The following LHCGR variants were observed in gnomAD, a reference collection of about 807,000 sequenced individuals.
LHCGR encodes lutropin-choriogonadotropic hormone receptor.
A neutral mutation model predicts 60.7 loss-of-function variants in LHCGR; 55 were observed. That is an observed-to-expected ratio of 0.91 (90% CI 0.73 to 1.13). LHCGR has a LOEUF of 1.13. Among genes scored for constraint, LHCGR ranks in the 50% most tolerant of loss-of-function variants. The pLI is 0.00. For synonymous variants in LHCGR, 337 were observed against 316.5 expected, an observed-to-expected ratio of 1.06 and a Z score of -0.69; for missense variants, 862 against 836.0, an observed-to-expected ratio of 1.03 and a Z score of -0.38.
At chr2:48,729,041 T>C (rs1251538680) in intron 3 of LHCGR, 112 bp downstream of exon 3, 6 of 881,444 alleles carry the variant, frequency 6.8e-6, no homozygotes, top group South Asian at 5.3e-5. Flanking sequence ...ATTGCTGTAG[T>C]CTTTTCCTTT....
chr2:48,694,103 A>G, intron 10 of LHCGR, 121 bp downstream of exon 10: 1 of 709,300 alleles, frequency 1.4e-6, no homozygotes, highest in Non-Finnish European at 2.5e-6. Context: ...AAACTATTAA[A>G]AGTTGCTTTG....
At chr2:48,713,538 C>T (rs1234213302) in intron 7 of LHCGR, among the ~76,000 whole-genome samples, 1 of 152,148 alleles carries the variant, frequency 6.6e-6, no homozygotes, top group East Asian at 1.9e-4. Flanking sequence ...AAATGAGCTT[C>T]CTCCCACACT....
rs142684330 is a variant in LHCGR at position 48,717,303 on chromosome 2, G to T, written c.537-3249C>A. Among the ~76,000 whole-genome samples, 19 of 152,306 alleles carry T rather than the reference G, an allele frequency of 1.2e-4. 1 individual carries two copies. In the South Asian group the frequency reaches 3.9e-3, roughly 32 times the overall value. On this transcript the variant is annotated intron_variant, in intron 6 of 10. Coordinates refer to ENST00000294954, the MANE Select transcript of LHCGR (RefSeq NM_000233.4). ...TTCTGTTAGACTCACAGTGTCACAG[G>T]TGTACCCTTGTGGTTAAGTCTGCAG...
At chr2:48,729,844 T>C (rs538011721) in intron 2 of LHCGR, among the ~76,000 whole-genome samples, 3 of 152,352 alleles carry the variant, frequency 2.0e-5, no homozygotes, top group Admixed American at 2.0e-4. Context: ...AAAGAGTATA[T>C]TCTATTCACT....
At chr2:48,750,729 A>G (rs1669920401) in intron 1 of LHCGR, among the ~76,000 whole-genome samples, 1 of 152,214 alleles carries the variant, frequency 6.6e-6, no homozygotes, top group Non-Finnish European at 1.5e-5. Context: ...AATTCTGGGA[A>G]CCCTGAGTTG....
At chr2:48,726,730 G>A (rs146231563) in intron 3 of LHCGR, among the ~76,000 whole-genome samples, 13 of 152,274 alleles carry the variant, frequency 8.5e-5, no homozygotes, top group Non-Finnish European at 1.3e-4. Context: ...TTTACTAATC[G>A]TATGACCTTA....
At chr2:48,742,923 C>G (rs146107186) in intron 1 of LHCGR, among the ~76,000 whole-genome samples, 1 of 151,618 alleles carries the variant, frequency 6.6e-6, no homozygotes, top group Admixed American at 6.6e-5. Context: ...TTGAAAGGAT[C>G]AACAAAATTG....
At position 48,735,304 on chromosome 2, in the gene LHCGR, G is replaced by A. The variant is rs189975748; in HGVS notation, c.162-4006C>T. Among the ~76,000 whole-genome samples, 649 of 152,328 alleles carry A rather than the reference G, an allele frequency of 4.3e-3. 5 individuals are homozygous for A. Among genetic ancestry groups the A allele is most frequent in the Admixed American group, 7.8e-3 (119 of 15,308 alleles). On this transcript the variant is annotated intron_variant, in intron 1 of 10. Coordinates refer to ENST00000294954, the MANE Select transcript of LHCGR (RefSeq NM_000233.4). ...TCTTGTGATTGGTCATGACTCTGGC[G>A]AGGCTTGTGCATCGTCTAAACTGGA...
rs141770621 is a variant in LHCGR, at chr2:48,719,749, T to G, written c.536+3707A>C. ...AGCTCACAGTTGGTAAAGATTTGGG[T>G]AGGGGGAGGGCAAGACAGGTTCTAC... On this transcript the variant is annotated intron_variant, in intron 6 of 10. Coordinates refer to ENST00000294954, the MANE Select transcript of LHCGR (RefSeq NM_000233.4). Among the ~76,000 whole-genome samples the G allele has an allele frequency of 1.4e-4, 22 of 152,216 alleles. No individual in the cohort carries two copies. The East Asian group carries it at 4.1e-3, about 28-fold the overall frequency.
At chr2:48,715,299 A>G (rs969507148) in intron 6 of LHCGR, among the ~76,000 whole-genome samples, 3 of 152,224 alleles carry the variant, frequency 2.0e-5, no homozygotes, top group Admixed American at 1.3e-4. Context: ...AATATATATT[A>G]AATAAATTGG....
chr2:48,698,623 T>C lies in LHCGR; in HGVS notation c.858A>G (p.Pro286=). Residue 286 remains proline (P), a synonymous_variant, in exon 9 of 11, where the codon CCA becomes CCG. Coordinates refer to ENST00000294954, the MANE Select transcript of LHCGR (RefSeq NM_000233.4). ...TTTTGGTTTCTACTTACTCTTTTGT[T>C]GGCAAGTTTCTAAAAGCACAGCAGT... The part of the protein sequence containing the change: ...PSHCCAFRNL[P]TKEQNFSHSI... 1 of 1,613,976 alleles carries C rather than the reference T, an allele frequency of 6.2e-7. No individual in the cohort carries two copies. Among genetic ancestry groups the C allele is most frequent in the Non-Finnish European group, 8.5e-7 (1 of 1,179,882 alleles).
Position 48,687,282 on chromosome 2 carries a change from G to C in LHCGR, c.*415C>G, listed in dbSNP as rs1679939388. ...TACCGGATTGGACAGTGCATCTCTA[G>C]AGTGTGTTTTTCAAACTACCTGAGG... On this transcript the variant is annotated 3_prime_UTR_variant, in exon 11 of 11. Coordinates refer to ENST00000294954, the MANE Select transcript of LHCGR (RefSeq NM_000233.4). 5.4e-6 allele frequency: 1 copy of C among 185,596 alleles called. No homozygotes were observed. Among genetic ancestry groups the C allele is most frequent in the South Asian group, 1.1e-4 (1 of 9,258 alleles). The allele number at this position is 185,596 out of a possible 1,614,324, so 11.5% of individuals were successfully genotyped here. A position where few individuals can be genotyped will look rare whatever the true frequency, so the allele number is the denominator to read the frequency against.
At chr2:48,693,590 C>T (rs1208900994) in intron 10 of LHCGR, among the ~76,000 whole-genome samples, 1 of 152,188 alleles carries the variant, frequency 6.6e-6, no homozygotes, top group Non-Finnish European at 1.5e-5. Flanking sequence ...AATAAAACTT[C>T]TAAATCTTAG....
chr2:48,707,572 T>G (rs917154434), intron 8 of LHCGR, among the ~76,000 whole-genome samples: 1 of 152,264 alleles, frequency 6.6e-6, no homozygotes, highest in Non-Finnish European at 1.5e-5. Flanking sequence ...GCTGCTGCCT[T>G]TGTTCAGATA....
In LHCGR at chr2:48,747,830, C is replaced by T. The variant is rs186967512; in HGVS notation, c.161+7681G>A. ...GTGCTTGCAAATGAAAAAAGACTTA[C>T]CCAGAGCCCCACCCAAGGTTTCCAG... On this transcript the variant is annotated intron_variant, in intron 1 of 10. Transcript: ENST00000294954. Among the ~76,000 whole-genome samples the T allele has an allele frequency of 5.9e-5, 9 of 152,260 alleles. No homozygotes were observed. In the East Asian group the frequency reaches 1.2e-3, roughly 20 times the overall value.
chr2:48,727,586 C>T (rs1668791585), intron 3 of LHCGR, among the ~76,000 whole-genome samples: 2 of 152,198 alleles, frequency 1.3e-5, no homozygotes, highest in East Asian at 3.9e-4. Context: ...TTAGCATTAC[C>T]TGGGAAGTCT....
At chr2:48,697,283 C>T (rs1431486377) in intron 9 of LHCGR, among the ~76,000 whole-genome samples, 1 of 152,226 alleles carries the variant, frequency 6.6e-6, no homozygotes, top group Non-Finnish European at 1.5e-5. Context: ...GGAAGCCTTC[C>T]ATAATCCCTG....
At chr2:48,701,603 C>G (rs1305685193) in intron 8 of LHCGR, among the ~76,000 whole-genome samples, 1 of 152,066 alleles carries the variant, frequency 6.6e-6, no homozygotes, top group Non-Finnish European at 1.5e-5. Flanking sequence ...GTAATTCCCC[C>G]TCTCCAGAAC....
chr2:48,746,067 G>A (rs1253696882), intron 1 of LHCGR, among the ~76,000 whole-genome samples: 1 of 151,986 alleles, frequency 6.6e-6, no homozygotes, highest in Admixed American at 6.6e-5. Context: ...AAAAATCTAT[G>A]TTTACATAAT....
Sources: allele counts gnomAD v4.1 joint callset (sites outside exome capture counted in the v4.1 genomes callset), GRCh38; gene constraint gnomAD v4.1.1; transcripts MANE v1.5; gene names NCBI Gene and HGNC (gene_info 2026-07-23, HGNC 2026-07-21).